Variants in CENPO observed in about 807,000 individuals in gnomAD.
CENPO encodes the protein centromeric protein O.
Under a neutral mutation model 36.1 loss-of-function variants are expected in CENPO, and 30 were observed. That is an observed-to-expected ratio of 0.83 (90% CI 0.62 to 1.13). The LOEUF (loss-of-function observed/expected upper bound fraction) is 1.13. CENPO is among the 50% of genes most tolerant of loss of function. The probability of loss-of-function intolerance (pLI) is 0.00; values close to 1 mark genes in which losing one functional copy is unlikely to be tolerated. For synonymous variants in CENPO, 171 were observed against 142.3 expected (o/e 1.20, Z -1.44); for missense variants, 349 against 357.8 (o/e 0.98, Z 0.20).
At chr2:24,794,087 G>A (rs1475921433) in intron 2 of CENPO, 122 bp downstream of exon 2, 4 of 790,150 alleles carry the variant, frequency 5.1e-6, no homozygotes, top group Non-Finnish European at 4.5e-6. Context: ...ATAGTGAAAG[G>A]AACTAACATT....
chr2:24,802,628 G>A (rs375951079), intron 3 of CENPO, among the ~76,000 whole-genome samples: 76 of 152,144 alleles, frequency 5.0e-4, no homozygotes, highest in African/African-American at 1.5e-3. Context: ...GCTGGATTAC[G>A]TTTATTGATT....
In CENPO at chr2:24,821,791, C is replaced by T. The variant is rs956649377; in HGVS notation, c.*2473C>T. ...CTCCCACAAAGGAGTCGCAGCCACGCTAGCTCTGACTTGCCACTGTGACAA... is the reference window on the plus strand; with the variant it reads ...CTCCCACAAAGGAGTCGCAGCCACGTTAGCTCTGACTTGCCACTGTGACAA... On this transcript the variant is annotated 3_prime_UTR_variant, in exon 8 of 8. Coordinates refer to ENST00000380834, the MANE Select transcript of CENPO (RefSeq NM_001322101.2). 23 of 1,142,058 alleles carry T rather than the reference C, an allele frequency of 2.0e-5. No individual in the cohort carries two copies. In the Admixed American group the frequency reaches 5.2e-4, roughly 26 times the overall value. 70.7% of individuals were successfully genotyped at this position (1,142,058 alleles called of 1,614,324 possible).
Position 24,821,056 on chromosome 2 carries a change from C to G in CENPO, c.*1738C>G, listed in dbSNP as rs934124551. On this transcript the variant is annotated 3_prime_UTR_variant, in exon 8 of 8. Transcript: ENST00000380834. ...TTAGGTGTCAGCCGCCACCCCCCCC[C>G]CATATGCAGATTTACTCGGCATGGT... The G allele has an allele frequency of 6.2e-6, 4 of 648,198 alleles. No homozygotes were observed. The highest frequency in any genetic ancestry group is 1.9e-5 in the African/African-American group (1 of 54,052). The allele number at this position is 648,198 out of a possible 1,614,324, so 40.2% of individuals were successfully genotyped here.
At chr2:24,810,504 GTTTTT>G (rs35287429) in intron 3 of CENPO, among the ~76,000 whole-genome samples, 2 of 114,108 alleles carry the variant, frequency 1.8e-5, no homozygotes, top group Non-Finnish European at 1.8e-5. Context: ...GCAGGTTAAG[GTTTTT>G]TTTTTTTTTT....
At chr2:24,816,945 C>G in intron 6 of CENPO, 128 bp downstream of exon 6, 1 of 739,820 alleles carries the variant, frequency 1.4e-6, no homozygotes, top group Non-Finnish European at 2.1e-6. Flanking sequence ...GTACATTACT[C>G]AGACCGGTAA....
In CENPO at chr2:24,814,467, C is replaced by T; in HGVS notation, c.308C>T (p.Ala103Val). Residue 103 changes from alanine (A) to valine (V), a missense_variant, in exon 4 of 8, where the codon GCC becomes GTC. Ala to Val is a moderately conservative substitution (Grantham distance 64, BLOSUM62 0). Coordinates refer to ENST00000380834, the MANE Select transcript of CENPO (RefSeq NM_001322101.2). ...GAAGAGAAATTGGAAAATGTGAAAGCCATTCTGCAGGCATATCATTTTACA... is the reference window on the plus strand; with the variant it reads ...GAAGAGAAATTGGAAAATGTGAAAGTCATTCTGCAGGCATATCATTTTACA... Reference protein sequence around the residue: ...ALEEKLENVKAILQAYHFTGL... With the variant: ...ALEEKLENVKVILQAYHFTGL... 6.4e-7 allele frequency: 1 copy of T among 1,574,428 alleles called. No individual in the cohort carries two copies.
At chr2:24,806,329 C>A (rs1666403542) in intron 3 of CENPO, among the ~76,000 whole-genome samples, 1 of 152,198 alleles carries the variant, frequency 6.6e-6, no homozygotes, top group Admixed American at 6.5e-5. Flanking sequence ...CAACCACTGT[C>A]CTGCACCCAC....
At chr2:24,814,588 T>G in intron 4 of CENPO, 95 bp downstream of exon 4, 1 of 726,982 alleles carries the variant, frequency 1.4e-6, no homozygotes, top group Admixed American at 1.9e-5. Context: ...ATTTCATAAT[T>G]TATAGTATTT....
At chr2:24,814,195 AT>A (rs1424373801) in intron 3 of CENPO, among the ~76,000 whole-genome samples, 180 bp from the exon 4 acceptor site, 1 of 152,196 alleles carries the variant, frequency 6.6e-6, no homozygotes, top group African/African-American at 2.4e-5. Flanking sequence ...GATTCCTGGC[AT>A]TGTGACCCAT....
intron 3 of CENPO, among the ~76,000 whole-genome samples, chr2:24,811,280 AAC>A (rs1491031017): frequency 1.9e-5 from 1 of 53,244 alleles, no homozygotes. Context: ...TTAGTCCATG[AAC>A]TTTTTTTTTT....
chr2:24,800,331 A>T (rs1666106007), intron 3 of CENPO, among the ~76,000 whole-genome samples: 1 of 152,096 alleles, frequency 6.6e-6, no homozygotes, highest in Non-Finnish European at 1.5e-5. Flanking sequence ...ACATTTTTTA[A>T]TTTTTTTATT....
chr2:24,818,921 G>A (rs548097547), intron 7 of CENPO, among the ~76,000 whole-genome samples: 2 of 152,348 alleles, frequency 1.3e-5, no homozygotes, highest in South Asian at 2.1e-4. Context: ...CAATGGCCAC[G>A]AAGTAACCTC....
At chr2:24,793,714 G>A in intron 1 of CENPO, 138 bp from the exon 2 acceptor site, 1 of 966,560 alleles carries the variant, frequency 1.0e-6, no homozygotes, top group Non-Finnish European at 1.5e-6. Flanking sequence ...GAGGGCGGGC[G>A]GCTCAGGAAA....
At position 24,817,774 on chromosome 2, in the gene CENPO, G is replaced by A. The variant is rs1482898398; in HGVS notation, c.871G>A (p.Gly291Arg). ...HQVFASFTRK[G>R]EKLDMSLVS ...AGTGTTTGCCTCATTTACAAGAAAA[G>A]GAGAAAAGTTGGATATGAGTCTGGT... The change falls in exon 7 of 8, where the codon GGA (glycine) becomes AGA (arginine). Residue 291 changes from glycine to arginine, a missense_variant. Gly to Arg is a moderately radical substitution (Grantham distance 125). Transcript: ENST00000380834. The A allele has an allele frequency of 3.1e-6, 5 of 1,614,062 alleles. No homozygotes were observed. The highest frequency in any genetic ancestry group is 4.2e-6 in the Non-Finnish European group (5 of 1,180,042).
chr2:24,796,349 G>A (rs1048623519), intron 2 of CENPO, among the ~76,000 whole-genome samples: 5 of 151,874 alleles, frequency 3.3e-5, no homozygotes, highest in African/African-American at 7.3e-5. Flanking sequence ...GTGAGATTTC[G>A]TCTCAGAAAA....
rs1473755957 is a variant in CENPO, at chr2:24,820,531, T to C, written c.*1213T>C. 1.4e-6 allele frequency: 2 copies of C among 1,404,470 alleles called. No individual in the cohort carries two copies. The highest frequency in any genetic ancestry group is 1.9e-6 in the Non-Finnish European group (2 of 1,074,852). The allele number at this position is 1,404,470 out of a possible 1,614,324, so 87.0% of individuals were successfully genotyped here. A position where few individuals can be genotyped will look rare whatever the true frequency, so the allele number is the denominator to read the frequency against. On this transcript the variant is annotated 3_prime_UTR_variant, in exon 8 of 8. Transcript: ENST00000380834. Reference sequence around the variant, plus strand: ...ATCTAGAACTTCAGCCCAGATTTTGTGGATGGGTGGAAGTGTTTCTTCCTG... The same window carrying C: ...ATCTAGAACTTCAGCCCAGATTTTGCGGATGGGTGGAAGTGTTTCTTCCTG...
chr2:24,799,090 C>T (rs1202039501), intron 2 of CENPO, among the ~76,000 whole-genome samples: 3 of 149,912 alleles, frequency 2.0e-5, no homozygotes, highest in Non-Finnish European at 4.4e-5. Flanking sequence ...ACCTCCGCCT[C>T]CTGGATTCAA....
At chr2:24,803,927 G>A (rs1460718689) in intron 3 of CENPO, among the ~76,000 whole-genome samples, 1 of 151,988 alleles carries the variant, frequency 6.6e-6, no homozygotes, top group Non-Finnish European at 1.5e-5. Context: ...TTGATGGTGG[G>A]GTGTTAAAGT....
Position 24,803,215 on chromosome 2 carries a change from CTCTTT to C in CENPO, c.216+3376_216+3380del, listed in dbSNP as rs1437592517. On this transcript the variant is annotated intron_variant, in intron 3 of 7. Transcript: ENST00000380834. ...TTTATTGCGTCTACTTGATTCTTCT[CTCTTT>C]TCTTCTTTATTAGTCTTGCTAGCGG... 6.6e-5 allele frequency among the ~76,000 whole-genome samples: 10 copies of C among 150,782 alleles called. No homozygotes were observed. In the South Asian group the frequency reaches 8.5e-4, roughly 13 times the overall value.
Sources: gnomAD v4.1 joint callset for allele counts (sites outside exome capture counted in the v4.1 genomes callset) on GRCh38, gnomAD v4.1.1 for gene constraint, MANE v1.5 for transcripts, NCBI Gene and HGNC (gene_info 2026-07-23, HGNC 2026-07-21) for gene names.